Variants in OSTN observed in about 807,000 individuals in gnomAD.
The protein encoded by OSTN is osteocrin.
Under a neutral mutation model 12.0 loss-of-function variants are expected in OSTN, and 9 were observed. The ratio of observed to expected loss-of-function variants is 0.75; its 90% CI spans 0.45 to 1.30. OSTN has a LOEUF of 1.30. OSTN is among the 50% of genes most tolerant of loss of function. The pLI, the probability that OSTN is intolerant of heterozygous loss-of-function variation, is 0.00. For missense variants in OSTN, 148 were observed against 152.3 expected, an observed-to-expected ratio of 0.97 and a Z score of 0.15; for synonymous variants, 59 against 56.9, an observed-to-expected ratio of 1.04 and a Z score of -0.16.
Position 191,232,331 on chromosome 3 carries a change from T to TAA in OSTN, c.317+13399_317+13400dup, listed in dbSNP as rs61313474. Among the ~76,000 whole-genome samples, 371 of 67,424 alleles carry TAA rather than the reference T, an allele frequency of 5.5e-3. 9 individuals carry two copies. Among genetic ancestry groups the TAA allele is most frequent in the African/African-American group, 0.017 (189 of 11,378 alleles). 44.2% of individuals were successfully genotyped at this position (67,424 alleles called of 152,430 possible). On this transcript the variant is annotated intron_variant, in intron 3 of 4. Coordinates refer to ENST00000682035, the MANE Select transcript of OSTN (RefSeq NM_198184.2). ...CTGGGTGACAGAGGGAGACTCTGTC[T>TAA]AAAAAAAAAAAAAAAAAAAAAAAAA... is the stretch of plus-strand genomic sequence containing the variant.
chr3:191,248,356 G>T (rs1715482397), intron 3 of OSTN, among the ~76,000 whole-genome samples: 1 of 151,968 alleles, frequency 6.6e-6, no homozygotes, highest in South Asian at 2.1e-4. Context: ...TACATATCAG[G>T]TACACAGTAA....
chr3:191,204,805 T>G (rs945759655), intron 1 of OSTN, among the ~76,000 whole-genome samples: 1 of 152,246 alleles, frequency 6.6e-6, no homozygotes, highest in Admixed American at 6.5e-5. Context: ...ATATAAGTTT[T>G]GCAGATTGTC....
At chr3:191,232,536 T>G (rs1464022201) in intron 3 of OSTN, among the ~76,000 whole-genome samples, 1 of 150,664 alleles carries the variant, frequency 6.6e-6, no homozygotes, top group South Asian at 2.1e-4. Flanking sequence ...TTATGTTTAT[T>G]TTTATTTTTA....
intron 3 of OSTN, among the ~76,000 whole-genome samples, chr3:191,232,246 G>A (rs972164204): frequency 6.8e-5 from 10 of 147,560 alleles, no homozygotes; most frequent in African/African-American, 1.5e-4. Context: ...CATGAGAATC[G>A]CTTGAACACG....
At position 191,264,849 on chromosome 3, in the gene OSTN, T is replaced by C. The variant is rs1373729825; in HGVS notation, c.*1996T>C. 1.3e-5 allele frequency: 2 copies of C among 152,220 alleles called. No individual in the cohort carries two copies. The highest frequency in any genetic ancestry group is 2.9e-5 in the Non-Finnish European group (2 of 68,016). The allele number at this position is 152,220 out of a possible 1,614,324, so 9.4% of individuals were successfully genotyped here. A position where few individuals can be genotyped will look rare whatever the true frequency, so the allele number is the denominator to read the frequency against. On this transcript the variant is annotated 3_prime_UTR_variant, in exon 5 of 5. Coordinates refer to ENST00000682035, the MANE Select transcript of OSTN (RefSeq NM_198184.2). Reference sequence around the variant, plus strand: ...AATATTGGAAGTTGGATTATGCAAATTGATTTCCTCCATTCTTTATTTTTT... The same window carrying C: ...AATATTGGAAGTTGGATTATGCAAACTGATTTCCTCCATTCTTTATTTTTT...
intron 1 of OSTN, among the ~76,000 whole-genome samples, chr3:191,202,987 G>C (rs939466620): frequency 5.5e-4 from 83 of 152,290 alleles, no homozygotes; most frequent in African/African-American, 1.9e-3. Context: ...AAAGTTTAGA[G>C]GAATGATTAT....
At chr3:191,227,611 A>T (rs1296099470) in intron 3 of OSTN, among the ~76,000 whole-genome samples, 1 of 152,162 alleles carries the variant, frequency 6.6e-6, no homozygotes. Context: ...AAAATACAGA[A>T]AAATTTTGAC....
intron 3 of OSTN, among the ~76,000 whole-genome samples, chr3:191,247,378 G>A (rs984082529): frequency 2.6e-5 from 4 of 152,158 alleles, no homozygotes; most frequent in Non-Finnish European, 5.9e-5. Flanking sequence ...AAGAGGATAT[G>A]TTTTTCAGGA....
chr3:191,250,158 A>G, intron 4 of OSTN, 25 bp downstream of exon 4: 2 of 1,471,542 alleles, frequency 1.4e-6, no homozygotes, highest in Middle Eastern at 1.7e-4. Flanking sequence ...AATAAGTAAC[A>G]GTATATGCAG....
chr3:191,242,742 C>A (rs1223775789), intron 3 of OSTN, among the ~76,000 whole-genome samples: 2 of 151,916 alleles, frequency 1.3e-5, no homozygotes, highest in Admixed American at 6.6e-5. Context: ...GGCAAAACTA[C>A]AAAAATATTT....
At chr3:191,258,120 A>G (rs1030694513) in intron 4 of OSTN, among the ~76,000 whole-genome samples, 3 of 152,242 alleles carry the variant, frequency 2.0e-5, no homozygotes, top group Admixed American at 2.0e-4. Context: ...TAGCAAATTT[A>G]TATCTCAAAG....
intron 3 of OSTN, among the ~76,000 whole-genome samples, chr3:191,246,002 G>T (rs1460861203): frequency 7.2e-6 from 1 of 138,148 alleles, no homozygotes; most frequent in East Asian, 2.1e-4. Flanking sequence ...GGGAGGCAAA[G>T]GTTGCCGTGA....
At position 191,264,403 on chromosome 3, in the gene OSTN, T is replaced by C. The variant is rs1238646243; in HGVS notation, c.*1550T>C. On this transcript the variant is annotated 3_prime_UTR_variant, in exon 5 of 5. Coordinates refer to ENST00000682035, the MANE Select transcript of OSTN (RefSeq NM_198184.2). ...ACTTAGAATATATATATTGGTTTTGTATGTAACTTCTTAGTTTTTCTGGAT... is the reference window on the plus strand; with the variant it reads ...ACTTAGAATATATATATTGGTTTTGCATGTAACTTCTTAGTTTTTCTGGAT... The C allele has an allele frequency of 6.6e-6, 1 of 152,140 alleles. No homozygotes were observed. Among genetic ancestry groups the C allele is most frequent in the Non-Finnish European group, 1.5e-5 (1 of 67,964 alleles). 9.4% of individuals were successfully genotyped at this position (152,140 alleles called of 1,614,324 possible).
intron 2 of OSTN, among the ~76,000 whole-genome samples, chr3:191,215,422 C>T (rs1714583343): frequency 6.6e-6 from 1 of 152,150 alleles, no homozygotes; most frequent in Admixed American, 6.5e-5. Context: ...TCATGCCTTC[C>T]CAACAGTCCT....
intron 3 of OSTN, among the ~76,000 whole-genome samples, chr3:191,231,231 CTGAG>C (rs1447088469): frequency 6.6e-6 from 1 of 152,034 alleles, no homozygotes; most frequent in Admixed American, 6.5e-5. Context: ...ATAGACATTT[CTGAG>C]TTTTAGTTAA....
intron 1 of OSTN, among the ~76,000 whole-genome samples, chr3:191,210,419 A>G (rs1456808874): frequency 6.6e-6 from 1 of 152,230 alleles, no homozygotes; most frequent in Non-Finnish European, 1.5e-5. Flanking sequence ...CCTGGGTCAC[A>G]CCAAAACAAA....
intron 4 of OSTN, 106 bp from the exon 5 acceptor site, chr3:191,262,760 C>T (rs1236249924): frequency 1.6e-6 from 1 of 629,338 alleles, no homozygotes; most frequent in Non-Finnish European, 2.9e-6. Flanking sequence ...TATAATGAAA[C>T]AGCATGTAAT....
intron 3 of OSTN, among the ~76,000 whole-genome samples, chr3:191,222,817 AC>A: frequency 6.6e-6 from 1 of 151,838 alleles, no homozygotes; most frequent in African/African-American, 2.4e-5. Context: ...GGGGGTGGCT[AC>A]CCCCATGCTG....
intron 1 of OSTN, among the ~76,000 whole-genome samples, chr3:191,208,935 A>T (rs1334177449): frequency 6.6e-6 from 1 of 152,222 alleles, no homozygotes; most frequent in Non-Finnish European, 1.5e-5. Flanking sequence ...AGGCAGGTGG[A>T]TCACCTGAGG....
Sources: gnomAD v4.1 joint callset for allele counts (sites outside exome capture counted in the v4.1 genomes callset) on GRCh38, gnomAD v4.1.1 for gene constraint, MANE v1.5 for transcripts, NCBI Gene and HGNC (gene_info 2026-07-23, HGNC 2026-07-21) for gene names.